GNAO1: variants seen among roughly 807,000 people sequenced by gnomAD.
GNAO1 encodes the protein guanine nucleotide-binding protein G(o) subunit alpha.
For missense variants in GNAO1, 166 were observed against 478.7 expected (o/e 0.35, Z 6.10); for synonymous variants, 164 against 180.7 (o/e 0.91, Z 0.74).
intron 2 of GNAO1, among the ~76,000 whole-genome samples, chr16:56,250,086 T>G (rs1308188799): frequency 6.6e-6 from 1 of 152,018 alleles, no homozygotes; most frequent in Non-Finnish European, 1.5e-5. Context: ...GAAGAATTGG[T>G]ACTGAGAAGT....
intron 2 of GNAO1, among the ~76,000 whole-genome samples, chr16:56,247,115 T>C (rs2036753387): frequency 6.6e-6 from 1 of 152,170 alleles, no homozygotes; most frequent in Admixed American, 6.5e-5. Flanking sequence ...TTTGCCCGCC[T>C]CAGCTCCCCT....
intron 3 of GNAO1, among the ~76,000 whole-genome samples, chr16:56,286,215 C>T (rs780418846): frequency 6.6e-6 from 1 of 152,188 alleles, no homozygotes; most frequent in Non-Finnish European, 1.5e-5. Flanking sequence ...CACACACGCT[C>T]ATCAGCTTCT....
At chr16:56,278,444 G>C (rs2037084002) in intron 3 of GNAO1, among the ~76,000 whole-genome samples, 2 of 152,202 alleles carry the variant, frequency 1.3e-5, no homozygotes, top group Admixed American at 6.5e-5. Context: ...AACTGGAAAA[G>C]GCGTTCCCGG....
chr16:56,236,579 A>G (rs1452872332), intron 2 of GNAO1, among the ~76,000 whole-genome samples: 1 of 152,122 alleles, frequency 6.6e-6, no homozygotes, highest in Non-Finnish European at 1.5e-5. Context: ...GTCACCCTGC[A>G]AAAAAACCTG....
At chr16:56,293,648 C>T (rs542254080) in intron 3 of GNAO1, among the ~76,000 whole-genome samples, 4 of 152,244 alleles carry the variant, frequency 2.6e-5, no homozygotes, top group South Asian at 2.1e-4. Flanking sequence ...AGTTGCATAT[C>T]GGTTTTAATA....
intron 2 of GNAO1, among the ~76,000 whole-genome samples, chr16:56,224,631 C>T (rs2036518728): frequency 6.6e-6 from 1 of 152,228 alleles, no homozygotes; most frequent in African/African-American, 2.4e-5. Flanking sequence ...CAGCGTGCAT[C>T]ACCACGTCTG....
intron 2 of GNAO1, among the ~76,000 whole-genome samples, chr16:56,259,868 G>A (rs1028752146): frequency 6.6e-6 from 1 of 152,222 alleles, no homozygotes; most frequent in Non-Finnish European, 1.5e-5. Context: ...CAGTTGGTCA[G>A]AAGTCTTGAC....
chr16:56,263,188 G>A (rs923604530), intron 2 of GNAO1, among the ~76,000 whole-genome samples: 10 of 152,206 alleles, frequency 6.6e-5, no homozygotes, highest in African/African-American at 2.4e-4. Context: ...TGGCAGCCAG[G>A]GCTATGAGTG....
rs199741926 is a variant in GNAO1 at position 56,351,488 on chromosome 16, C to T, written c.828C>T (p.Gly276=). ...ILFLNKKDLF[G]EKIKKSPLTI... ...TCCTCAACAAGAAAGATCTCTTTGG[C>T]GAGAAGATCAAGAAGTCACCTTTGA... Residue 276 remains glycine, a synonymous_variant, in exon 7 of 9, where the codon GGC becomes GGT. Transcript: ENST00000262493. This position sits in a 1 kb window ranked among gnomAD's most constrained non-coding sequence, Gnocchi z 6.1. 321 of 1,612,540 alleles carry T rather than the reference C, an allele frequency of 2.0e-4. No individual in the cohort carries two copies. Among genetic ancestry groups the T allele is most frequent in the Admixed American group, 2.8e-4 (17 of 60,004 alleles).
intron 2 of GNAO1, among the ~76,000 whole-genome samples, chr16:56,231,216 TGACTGGCAACTC>T (rs2036586070): frequency 6.6e-6 from 1 of 152,172 alleles, no homozygotes; most frequent in Admixed American, 6.5e-5. Flanking sequence ...GCCCAGACCT[TGACTGGCAACTC>T]ACCTCCCAGC....
rs2037979949 is a variant in GNAO1 at position 56,357,442 on chromosome 16, G to C, written c.*1368G>C. The stretch of plus-strand genomic sequence containing the variant: ...GCTCAATAAAAGAGAATGTTTGTCT[G>C]TACTCCTGAGTCTCACCCTGTGCCT... On this transcript the variant is annotated 3_prime_UTR_variant, in exon 9 of 9. Coordinates refer to ENST00000262493, the MANE Select transcript of GNAO1 (RefSeq NM_020988.3). The C allele has an allele frequency of 6.6e-6, 1 of 152,226 alleles. No homozygotes were observed. Among genetic ancestry groups the C allele is most frequent in the African/African-American group, 2.4e-5 (1 of 41,442 alleles). 9.4% of individuals were successfully genotyped at this position (152,226 alleles called of 1,614,324 possible).
At chr16:56,279,736 G>A (rs2143530547) in intron 3 of GNAO1, among the ~76,000 whole-genome samples, 1 of 152,284 alleles carries the variant, frequency 6.6e-6, no homozygotes, top group African/African-American at 2.4e-5. Flanking sequence ...AGTGTAGTCA[G>A]AGTCCTTTGA....
chr16:56,206,042 C>T (rs1314747721), intron 2 of GNAO1, among the ~76,000 whole-genome samples: 4 of 152,066 alleles, frequency 2.6e-5, no homozygotes, highest in South Asian at 2.1e-4. Context: ...CAGTTAGGGC[C>T]GGGCGTGGTG....
intron 2 of GNAO1, among the ~76,000 whole-genome samples, chr16:56,266,612 T>A (rs2036956903): frequency 6.6e-6 from 1 of 152,208 alleles, no homozygotes; most frequent in African/African-American, 2.4e-5. Context: ...GGTCTAGCCC[T>A]GCTTTGGCAC....
At chr16:56,264,855 ATAAT>A (rs539996689) in intron 2 of GNAO1, among the ~76,000 whole-genome samples, 66 of 150,170 alleles carry the variant, frequency 4.4e-4, no homozygotes, top group Middle Eastern at 3.5e-3. Flanking sequence ...GTATTAATTA[ATAAT>A]TAATAATTAC....
chr16:56,240,017 T>A (rs1158379958), intron 2 of GNAO1, among the ~76,000 whole-genome samples: 2 of 152,192 alleles, frequency 1.3e-5, no homozygotes, highest in African/African-American at 4.8e-5. Flanking sequence ...TGCAGTTGTT[T>A]TCTGGGGCCA....
chr16:56,220,508 A>G (rs2036474433), intron 2 of GNAO1, among the ~76,000 whole-genome samples: 4 of 152,206 alleles, frequency 2.6e-5, no homozygotes, highest in Admixed American at 2.0e-4. Flanking sequence ...ACAAACCCCT[A>G]TGAGAAACTG....
chr16:56,240,987 G>C (rs1283249269), intron 2 of GNAO1, among the ~76,000 whole-genome samples: 1 of 152,192 alleles, frequency 6.6e-6, no homozygotes, highest in East Asian at 1.9e-4. Flanking sequence ...CCTTCCAGGA[G>C]GTGGCATCAG....
At chr16:56,202,134 A>G (rs2036286788) in intron 2 of GNAO1, among the ~76,000 whole-genome samples, 1 of 152,124 alleles carries the variant, frequency 6.6e-6, no homozygotes, top group African/African-American at 2.4e-5. Flanking sequence ...GAAAAAGAAA[A>G]CCCAAGGCAG....
Sources: gnomAD v4.1 joint callset for allele counts (sites outside exome capture counted in the v4.1 genomes callset) on GRCh38, gnomAD v4.1.1 for gene constraint, Gnocchi (gnomAD v3.1) non-coding constraint, MANE v1.5 for transcripts, NCBI Gene and HGNC (gene_info 2026-07-23, HGNC 2026-07-21) for gene names.